The following MAML3 variants were observed in gnomAD, a reference collection of about 807,000 sequenced individuals.
MAML3 encodes the protein mastermind-like protein 3.
A neutral mutation model predicts 101.9 loss-of-function variants in MAML3; 27 were observed. That is an observed-to-expected ratio of 0.27 (90% CI 0.20 to 0.37). MAML3 has a LOEUF of 0.37. Ranked by LOEUF, MAML3 falls within the 10% of genes least tolerant of loss-of-function variation. The pLI is 1.00. For missense variants in MAML3, 1,316 were observed against 1,444.9 expected (o/e 0.91, Z 1.45); for synonymous variants, 501 against 555.9 (o/e 0.90, Z 1.39).
At chr4:140,124,340 A>G (rs1048510544) in intron 1 of MAML3, among the ~76,000 whole-genome samples, 1 of 152,286 alleles carries the variant, frequency 6.6e-6, no homozygotes, top group Admixed American at 6.5e-5. Context: ...TAGCTCCTCA[A>G]TATGCCCAAG....
chr4:139,968,307 C>CT (rs1358948699), intron 1 of MAML3, among the ~76,000 whole-genome samples: 1 of 115,046 alleles, frequency 8.7e-6, no homozygotes, highest in African/African-American at 4.2e-5. Flanking sequence ...GAGGCTCTGT[C>CT]TTAAAAAAAA....
At chr4:139,915,282 G>C (rs559030281) in intron 1 of MAML3, among the ~76,000 whole-genome samples, 1 of 152,246 alleles carries the variant, frequency 6.6e-6, no homozygotes, top group South Asian at 2.1e-4. Flanking sequence ...CACAGGAAGA[G>C]AAAAAAACCA....
intron 1 of MAML3, among the ~76,000 whole-genome samples, chr4:140,062,013 A>G (rs989161810): frequency 1.3e-5 from 2 of 152,166 alleles, no homozygotes; most frequent in African/African-American, 4.8e-5. Context: ...AATACCTCCA[A>G]AAAACCATAA....
At chr4:139,828,408 T>C (rs6536501) in intron 2 of MAML3, among the ~76,000 whole-genome samples, 7,038 of 152,292 alleles carry the variant, frequency 0.046, 541 homozygotes, top group African/African-American at 0.16. Context: ...GCAAAGCATT[T>C]GATAGAACTT....
chr4:139,938,781 A>T (rs530411243), intron 1 of MAML3, among the ~76,000 whole-genome samples: 12 of 152,246 alleles, frequency 7.9e-5, no homozygotes, highest in African/African-American at 2.9e-4. Flanking sequence ...TATTATATGT[A>T]TTGTAATTAA....
At chr4:139,802,182 G>A (rs1730621814) in intron 2 of MAML3, among the ~76,000 whole-genome samples, 1 of 152,170 alleles carries the variant, frequency 6.6e-6, no homozygotes, top group African/African-American at 2.4e-5. Flanking sequence ...CAGAGAGGAG[G>A]CTGGATAGCC....
rs1397260476 is a variant in MAML3 at position 139,776,572 on chromosome 4, G to C, written c.2080-45905C>G. 2.6e-5 allele frequency among the ~76,000 whole-genome samples: 4 copies of C among 152,238 alleles called. No individual in the cohort carries two copies. The East Asian group carries it at 7.7e-4, about 29-fold the overall frequency. On this transcript the variant is annotated intron_variant, in intron 2 of 4. Coordinates refer to ENST00000509479, the MANE Select transcript of MAML3 (RefSeq NM_018717.5). ...TTTATCAGAGGCTCTTAGGTAGACT[G>C]AGGCTTTCCCTGAACAGTGTTTGGA... is the stretch of plus-strand genomic sequence containing the variant.
In MAML3 at chr4:139,730,678, A is replaced by G. The variant is rs758627315; in HGVS notation, c.2080-11T>C. ...AACTGGATGCTGCTCCTGGGAAGAC[A>G]AGAGAGAGGGAGATGCAGGGATTCC... On this transcript the variant is annotated splice_polypyrimidine_tract_variant and intron_variant, in intron 2 of 4. Coordinates refer to ENST00000509479, the MANE Select transcript of MAML3 (RefSeq NM_018717.5). 3 of 1,608,032 alleles carry G rather than the reference A, an allele frequency of 1.9e-6. No homozygotes were observed. Among genetic ancestry groups the G allele is most frequent in the Admixed American group, 3.3e-5 (2 of 59,744 alleles).
intron 1 of MAML3, among the ~76,000 whole-genome samples, chr4:139,897,008 C>A (rs540729470): frequency 2.4e-4 from 36 of 152,246 alleles, no homozygotes; most frequent in African/African-American, 8.7e-4. Context: ...CCAGAGTGTC[C>A]ATGACAAAGA....
chr4:140,132,300 T>C (rs949091023), intron 1 of MAML3, among the ~76,000 whole-genome samples: 1 of 152,250 alleles, frequency 6.6e-6, no homozygotes, highest in African/African-American at 2.4e-5. Flanking sequence ...CTTATTAGTG[T>C]GTTGACACTC....
chr4:140,074,803 GTGACT>G (rs1355751254), intron 1 of MAML3, among the ~76,000 whole-genome samples: 2 of 152,186 alleles, frequency 1.3e-5, no homozygotes. Flanking sequence ...GGCTGAGATA[GTGACT>G]CCTTTGCTTT....
At chr4:139,870,371 G>T (rs1040184192) in intron 2 of MAML3, among the ~76,000 whole-genome samples, 1 of 152,114 alleles carries the variant, frequency 6.6e-6, no homozygotes, top group East Asian at 1.9e-4. Flanking sequence ...TCCAGTTGGT[G>T]ATTGGGGAAC....
intron 1 of MAML3, among the ~76,000 whole-genome samples, chr4:139,932,357 A>G (rs1733418496): frequency 6.6e-6 from 1 of 152,178 alleles, no homozygotes; most frequent in African/African-American, 2.4e-5. Context: ...CAAAGAAACT[A>G]AGTTTCATTG....
intron 1 of MAML3, among the ~76,000 whole-genome samples, chr4:139,908,955 G>A (rs918423342): frequency 6.6e-6 from 1 of 152,200 alleles, no homozygotes; most frequent in Admixed American, 6.5e-5. Flanking sequence ...TTACTATGAA[G>A]TGTCACAGAA....
intron 1 of MAML3, among the ~76,000 whole-genome samples, chr4:139,962,924 A>G (rs758810904): frequency 6.6e-6 from 1 of 152,156 alleles, no homozygotes; most frequent in Non-Finnish European, 1.5e-5. Context: ...TAAGTATGTA[A>G]TGGAGACTAC....
intron 1 of MAML3, among the ~76,000 whole-genome samples, chr4:140,093,412 G>GTTTTT (rs1211054649): frequency 4.7e-5 from 6 of 126,848 alleles, no homozygotes; most frequent in Non-Finnish European, 8.8e-5. Context: ...ACTCATGTTT[G>GTTTTT]TTTGTTTTTT....
intron 1 of MAML3, among the ~76,000 whole-genome samples, chr4:140,091,552 A>AAAAC (rs1728052481): frequency 6.7e-6 from 1 of 149,976 alleles, no homozygotes; most frequent in South Asian, 2.1e-4. Flanking sequence ...ACAAAACAAA[A>AAAAC]AAAAAAAACA....
rs1187136905 is a variant in MAML3, at chr4:139,720,229, T to G, written c.2511A>C (p.Gly837=). ...TCCCAGGGTTCTGGGAGGGTCCTAT[T>G]CCCATCATGCCTGCGTTCTGTGCCA... is the stretch of plus-strand genomic sequence containing the variant. ...RLMAQNAGMM[G]IGPSQNPGTM... The change falls in exon 5 of 5, where the codon GGA becomes GGC. Residue 837 remains glycine (G), a synonymous_variant. Transcript: ENST00000509479. 1.2e-6 allele frequency: 2 copies of G among 1,612,240 alleles called. No homozygotes were observed. The highest frequency in any genetic ancestry group is 8.5e-7 in the Non-Finnish European group (1 of 1,178,662).
At chr4:139,951,376 G>A (rs1418846722) in intron 1 of MAML3, among the ~76,000 whole-genome samples, 3 of 152,236 alleles carry the variant, frequency 2.0e-5, no homozygotes, top group South Asian at 2.1e-4. Flanking sequence ...AAACAAATGC[G>A]GAAATGGAAA....
Sources: allele counts gnomAD v4.1 joint callset (sites outside exome capture counted in the v4.1 genomes callset), GRCh38; gene constraint gnomAD v4.1.1; transcripts MANE v1.5; gene names NCBI Gene and HGNC (gene_info 2026-07-23, HGNC 2026-07-21).